PARD3B: variants seen among roughly 807,000 people sequenced by gnomAD.
The protein encoded by PARD3B is partitioning defective 3 homolog B.
PARD3B carries 103 observed loss-of-function variants against 130.2 expected under a neutral mutation model. The ratio of observed to expected loss-of-function variants is 0.79; its 90% CI spans 0.67 to 0.93. The LOEUF (loss-of-function observed/expected upper bound fraction) is 0.93. Among genes scored for constraint, PARD3B ranks in the 40% least tolerant of loss-of-function variants. The pLI, the probability that PARD3B is intolerant of heterozygous loss-of-function variation, is 0.00. For synonymous variants in PARD3B, 583 were observed against 553.2 expected, an observed-to-expected ratio of 1.05 and a Z score of -0.76; for missense variants, 1,609 against 1,499.2, an observed-to-expected ratio of 1.07 and a Z score of -1.21.
At chr2:205,404,453 A>G (rs1028761066) in intron 19 of PARD3B, among the ~76,000 whole-genome samples, 46 of 152,206 alleles carry the variant, frequency 3.0e-4, no homozygotes, top group African/African-American at 1.1e-3. Context: ...TCCCCCATGG[A>G]TACCAAGTGA....
At chr2:204,838,561 G>C (rs2044144694) in intron 2 of PARD3B, among the ~76,000 whole-genome samples, 2 of 152,118 alleles carry the variant, frequency 1.3e-5, no homozygotes, top group African/African-American at 4.8e-5. Context: ...AAGAAGCAGA[G>C]GATGGAAGGG....
chr2:205,552,442 T>C (rs890038507), intron 21 of PARD3B, among the ~76,000 whole-genome samples: 1 of 152,208 alleles, frequency 6.6e-6, no homozygotes, highest in Non-Finnish European at 1.5e-5. Flanking sequence ...AAAGTCTCAC[T>C]ATGTCAGCCA....
chr2:205,349,117 G>C (rs935512936), intron 18 of PARD3B, among the ~76,000 whole-genome samples: 1 of 152,134 alleles, frequency 6.6e-6, no homozygotes, highest in Non-Finnish European at 1.5e-5. Flanking sequence ...GCACATCCTT[G>C]TGTGATGTCC....
At chr2:205,296,782 C>T (rs898119746) in intron 16 of PARD3B, among the ~76,000 whole-genome samples, 3 of 151,116 alleles carry the variant, frequency 2.0e-5, no homozygotes, top group African/African-American at 4.9e-5. Flanking sequence ...GAAGACATGA[C>T]CCTGAAATTT....
chr2:205,468,567 A>T (rs1014971845), intron 20 of PARD3B, among the ~76,000 whole-genome samples: 1 of 152,192 alleles, frequency 6.6e-6, no homozygotes, highest in African/African-American at 2.4e-5. Flanking sequence ...TCATTGCTCA[A>T]GCCAGAATCT....
intron 2 of PARD3B, among the ~76,000 whole-genome samples, chr2:204,839,279 G>A (rs2044175358): frequency 6.6e-6 from 1 of 152,178 alleles, no homozygotes; most frequent in African/African-American, 2.4e-5. Flanking sequence ...GTCAAGGTCA[G>A]TTGTGTTAGC....
chr2:204,866,852 T>C (rs1047653985), intron 2 of PARD3B, among the ~76,000 whole-genome samples: 7 of 152,166 alleles, frequency 4.6e-5, no homozygotes, highest in South Asian at 2.1e-4. Context: ...GTGTATCACC[T>C]GAGGTCAGGA....
At chr2:204,698,710 C>G (rs969741932) in intron 2 of PARD3B, among the ~76,000 whole-genome samples, 5 of 151,892 alleles carry the variant, frequency 3.3e-5, no homozygotes, top group Non-Finnish European at 2.9e-5. Context: ...TGTCTTTAGC[C>G]TTTTTAGATA....
intron 1 of PARD3B, among the ~76,000 whole-genome samples, chr2:204,642,521 A>G (rs1428385353): frequency 3.3e-5 from 5 of 152,156 alleles, no homozygotes; most frequent in Admixed American, 3.3e-4. Flanking sequence ...GATGCTAGGG[A>G]CATTTCTGAT....
chr2:205,494,331 G>A (rs1016296785), intron 20 of PARD3B, among the ~76,000 whole-genome samples: 7 of 152,156 alleles, frequency 4.6e-5, no homozygotes, highest in African/African-American at 7.2e-5. Flanking sequence ...GCCAGGGTTT[G>A]GTGGTAGTGA....
chr2:204,613,544 A>G (rs11887897), intron 1 of PARD3B, among the ~76,000 whole-genome samples: 3,548 of 151,870 alleles, frequency 0.023, 119 homozygotes, highest in East Asian at 0.13. Context: ...TGGTTCTGTT[A>G]TTGCGTTTTG....
At chr2:204,751,786 G>C (rs1356742146) in intron 2 of PARD3B, among the ~76,000 whole-genome samples, 1 of 152,146 alleles carries the variant, frequency 6.6e-6, no homozygotes, top group East Asian at 1.9e-4. Flanking sequence ...CTTTCTTCAT[G>C]TTTTAAGGTA....
chr2:205,324,929 C>A lies in PARD3B; in HGVS notation c.2630+23228C>A, dbSNP rs17200062. On this transcript the variant is annotated intron_variant, in intron 18 of 22. Transcript: ENST00000406610. ...GCTTGTTTATCCTTACCAAGGCTATCCAATAAATCAAGAGGATGCTGTGTC... is the reference window on the plus strand; with the variant it reads ...GCTTGTTTATCCTTACCAAGGCTATACAATAAATCAAGAGGATGCTGTGTC... Among the ~76,000 whole-genome samples the A allele has an allele frequency of 3.3e-5, 5 of 152,204 alleles. No homozygotes were observed. The South Asian group carries it at 1.0e-3, about 32-fold the overall frequency.
intron 3 of PARD3B, among the ~76,000 whole-genome samples, chr2:204,978,476 C>T (rs145221786): frequency 1.8e-4 from 28 of 152,266 alleles, no homozygotes; most frequent in African/African-American, 6.7e-4. Flanking sequence ...CACAATATGT[C>T]AGTAGGGCAG....
chr2:205,121,343 C>T lies in PARD3B; in HGVS notation c.807-248C>T, dbSNP rs574508219. ...TGAAATGAAAGCTATTTATACTTAC[C>T]GAATGTGCTTTCTAAATTAGAGAAG... On this transcript the variant is annotated intron_variant, in intron 7 of 22. Transcript: ENST00000406610. This position sits in a 1 kb window ranked among gnomAD's most constrained non-coding sequence, Gnocchi z 5.0. Among the ~76,000 whole-genome samples the T allele has an allele frequency of 1.4e-4, 22 of 152,242 alleles. No individual in the cohort carries two copies. The highest frequency in any genetic ancestry group is 3.9e-4 in the African/African-American group (16 of 41,536).
At chr2:205,456,082 C>T (rs2048264325) in intron 20 of PARD3B, among the ~76,000 whole-genome samples, 1 of 152,082 alleles carries the variant, frequency 6.6e-6, no homozygotes. Context: ...GCTTTTTTCA[C>T]ACCCTGGAGA....
Position 205,015,746 on chromosome 2 carries a change from AC to A in PARD3B, c.395-31834del, listed in dbSNP as rs1349821055. ...GGGTTTCTTTCTTACTTAGTTTTGA[AC>A]AATTGGCCCTATTTGACTTTGCATG... On this transcript the variant is annotated intron_variant, in intron 3 of 22. Coordinates refer to ENST00000406610, the MANE Select transcript of PARD3B (RefSeq NM_001302769.2). This position sits in a 1 kb window ranked among gnomAD's most constrained non-coding sequence, Gnocchi z 4.5. 2.6e-5 allele frequency among the ~76,000 whole-genome samples: 4 copies of A among 152,198 alleles called. No homozygotes were observed. The highest frequency in any genetic ancestry group is 5.9e-5 in the Non-Finnish European group (4 of 68,028).
intron 22 of PARD3B, among the ~76,000 whole-genome samples, chr2:205,576,300 T>C (rs912540141): frequency 2.0e-5 from 3 of 151,102 alleles, no homozygotes; most frequent in Non-Finnish European, 2.9e-5. Context: ...TTTGCAAATA[T>C]TTTCTGCCAA....
At chr2:204,630,165 A>G (rs1427329167) in intron 1 of PARD3B, among the ~76,000 whole-genome samples, 1 of 152,132 alleles carries the variant, frequency 6.6e-6, no homozygotes, top group African/African-American at 2.4e-5. Flanking sequence ...TTATATTGAT[A>G]GTGTTATACT....
Sources: gnomAD v4.1 joint callset for allele counts (sites outside exome capture counted in the v4.1 genomes callset) on GRCh38, gnomAD v4.1.1 for gene constraint, Gnocchi (gnomAD v3.1) non-coding constraint, MANE v1.5 for transcripts, NCBI Gene and HGNC (gene_info 2026-07-23, HGNC 2026-07-21) for gene names.